The following RIN2 variants were observed in gnomAD, a reference collection of about 807,000 sequenced individuals.
RIN2 encodes the protein RAB5 interacting protein 2.
A neutral mutation model predicts 78.0 loss-of-function variants in RIN2; 36 were observed. The ratio of observed to expected loss-of-function variants is 0.46; its 90% confidence interval spans 0.35 to 0.61. The LOEUF (loss-of-function observed/expected upper bound fraction) is 0.61. Among genes scored for constraint, RIN2 ranks in the 20% least tolerant of loss-of-function variants. The probability of loss-of-function intolerance (pLI) is 0.00; values close to 1 mark genes in which losing one functional copy is unlikely to be tolerated. For missense variants in RIN2, 1,087 were observed against 1,159.7 expected, an observed-to-expected ratio of 0.94 and a Z score of 0.91; for synonymous variants, 466 against 466.8, an observed-to-expected ratio of 1.00 and a Z score of 0.02.
At chr20:19,945,717 C>T (rs770202606) in intron 4 of RIN2, among the ~76,000 whole-genome samples, 4 of 151,944 alleles carry the variant, frequency 2.6e-5, no homozygotes, top group Non-Finnish European at 5.9e-5. Context: ...GCAGGAACAT[C>T]ATTGACTTTT....
chr20:19,819,896 G>A lies in RIN2; in HGVS notation c.-37+20149G>A, dbSNP rs6106137. Reference sequence around the variant, plus strand: ...CTATGAGTGATAAGTGATCAGAGACGACATCTAATCCAAACTTTCAATTTG... The same window carrying A: ...CTATGAGTGATAAGTGATCAGAGACAACATCTAATCCAAACTTTCAATTTG... On this transcript the variant is annotated intron_variant, in intron 2 of 12. Transcript: ENST00000255006. Among the ~76,000 whole-genome samples the A allele has an allele frequency of 6.9e-3, 1,053 of 152,208 alleles. 14 individuals carry two copies. The highest frequency in any genetic ancestry group is 0.024 in the African/African-American group (997 of 41,532).
chr20:19,884,576 A>T (rs895142582), intron 2 of RIN2, among the ~76,000 whole-genome samples: 3 of 152,116 alleles, frequency 2.0e-5, no homozygotes, highest in Non-Finnish European at 4.4e-5. Flanking sequence ...ATTTTTTTTT[A>T]AAATGACTGT....
intron 6 of RIN2, among the ~76,000 whole-genome samples, chr20:19,963,795 A>G (rs896898286): frequency 1.5e-4 from 23 of 150,900 alleles, no homozygotes; most frequent in African/African-American, 5.1e-4. Flanking sequence ...AAGTCAGACT[A>G]CTTGCTGCTC....
chr20:19,972,054 T>C (rs975767007), intron 8 of RIN2, among the ~76,000 whole-genome samples: 3 of 152,052 alleles, frequency 2.0e-5, no homozygotes, highest in Non-Finnish European at 4.4e-5. Flanking sequence ...GAAACTTAGA[T>C]TGTATCTGTA....
rs367890363 is a variant in RIN2 at position 19,903,977 on chromosome 20, G to A, written c.57+14319G>A. Among the ~76,000 whole-genome samples the A allele has an allele frequency of 1.8e-4, 28 of 152,156 alleles. No homozygotes were observed. In the East Asian group the frequency reaches 4.3e-3, roughly 23 times the overall value. ...AATAAATATGCTGGATGGGCCGGGC[G>A]CCATGGCTCATGCCTGTAATCCCAG... On this transcript the variant is annotated intron_variant, in intron 3 of 12. Coordinates refer to ENST00000255006, the MANE Select transcript of RIN2 (RefSeq NM_018993.4).
At chr20:19,944,678 C>T (rs1301900193) in intron 4 of RIN2, among the ~76,000 whole-genome samples, 1 of 151,050 alleles carries the variant, frequency 6.6e-6, no homozygotes, top group Non-Finnish European at 1.5e-5. Context: ...ACAAAAATAT[C>T]AAGAGAAGTG....
At position 19,886,609 on chromosome 20, in the gene RIN2, C is replaced by T. The variant is rs868817482; in HGVS notation, c.-36-2957C>T. The T allele has an allele frequency of 2.9e-4, 222 of 776,390 alleles. No individual in the cohort carries two copies. The African/African-American group carries it at 4.9e-3, about 17-fold the overall frequency. The allele number at this position is 776,390 out of a possible 1,614,324, so 48.1% of individuals were successfully genotyped here. On this transcript the variant is annotated intron_variant, in intron 2 of 12. Transcript: ENST00000255006. The stretch of plus-strand genomic sequence containing the variant: ...TGAGGGCTGCCTTCTTCTTCTTCTT[C>T]TTCTTTTTTTTTTTTTTTTTTTGCT...
intron 2 of RIN2, among the ~76,000 whole-genome samples, chr20:19,803,993 C>T (rs551621668): frequency 3.9e-5 from 6 of 152,142 alleles, no homozygotes; most frequent in Non-Finnish European, 4.4e-5. Context: ...ATTTGGCTCT[C>T]TGCTTGTCTA....
intron 2 of RIN2, among the ~76,000 whole-genome samples, chr20:19,870,467 T>C (rs2037657013): frequency 1.3e-5 from 2 of 152,038 alleles, no homozygotes; most frequent in African/African-American, 2.4e-5. Flanking sequence ...GCCAACATGG[T>C]GAAACCCCAT....
intron 1 of RIN2, among the ~76,000 whole-genome samples, chr20:19,768,756 G>A (rs2033995041): frequency 6.6e-6 from 1 of 152,136 alleles, no homozygotes; most frequent in Non-Finnish European, 1.5e-5. Context: ...TGGCCCCTCA[G>A]AGGTTATGCT....
chr20:19,996,888 CG>C, intron 12 of RIN2, 46 bp downstream of exon 12: 2 of 1,515,168 alleles, frequency 1.3e-6, no homozygotes, highest in South Asian at 2.5e-5. Flanking sequence ...TCCAGGAATG[CG>C]GAGCTGGCTC....
Position 19,935,242 on chromosome 20 carries a change from C to T in RIN2, c.158+43C>T, listed in dbSNP as rs367605864. 2,419 of 1,508,840 alleles carry T rather than the reference C, an allele frequency of 1.6e-3. 10 individuals are homozygous for T. The highest frequency in any genetic ancestry group is 1.8e-3 in the Non-Finnish European group (2,010 of 1,108,398). The allele number at this position is 1,508,840 out of a possible 1,614,324, so 93.5% of individuals were successfully genotyped here. A position where few individuals can be genotyped will look rare whatever the true frequency, so the allele number is the denominator to read the frequency against. On this transcript the variant is annotated intron_variant, in intron 4 of 12. Transcript: ENST00000255006. The stretch of plus-strand genomic sequence containing the variant: ...TAGGTGATGGGTGCGAGAAAGGGAT[C>T]GAGTGAACCCTGGCACTGCCAAGGG...
chr20:19,858,231 A>G (rs1158434702), intron 2 of RIN2, among the ~76,000 whole-genome samples: 7 of 152,114 alleles, frequency 4.6e-5, no homozygotes, highest in South Asian at 2.1e-4. Context: ...TGCCAGTTTA[A>G]TTGCCTGCCC....
intron 11 of RIN2, among the ~76,000 whole-genome samples, chr20:19,993,954 C>T (rs1315320897): frequency 6.6e-6 from 1 of 152,222 alleles, no homozygotes; most frequent in African/African-American, 2.4e-5. Context: ...GATTCTGTTG[C>T]TGACAATGTG....
intron 1 of RIN2, among the ~76,000 whole-genome samples, chr20:19,793,295 A>G (rs944693308): frequency 2.6e-5 from 4 of 152,224 alleles, no homozygotes; most frequent in Non-Finnish European, 4.4e-5. Context: ...AACCTGGAGC[A>G]TATTTTCTAC....
intron 2 of RIN2, among the ~76,000 whole-genome samples, chr20:19,845,094 T>C: frequency 6.6e-6 from 1 of 152,224 alleles, no homozygotes; most frequent in East Asian, 1.9e-4. Flanking sequence ...TAGTATTCCA[T>C]GGCATATATG....
chr20:19,804,918 C>G (rs780594080), intron 2 of RIN2, among the ~76,000 whole-genome samples: 7 of 152,016 alleles, frequency 4.6e-5, no homozygotes, highest in Non-Finnish European at 1.0e-4. Flanking sequence ...AATTTCAGAA[C>G]TTGTTATTGG....
chr20:19,903,109 TAAAAA>T (rs2039059194), intron 3 of RIN2, among the ~76,000 whole-genome samples: 1 of 152,032 alleles, frequency 6.6e-6, no homozygotes, highest in Non-Finnish European at 1.5e-5. Flanking sequence ...ATAAAATAAA[TAAAAA>T]TAAAATAAAA....
rs1302457431 is a variant in RIN2, at chr20:19,956,676, G to T, written c.220G>T (p.Asp74Tyr). 4.3e-6 allele frequency: 7 copies of T among 1,613,192 alleles called. No homozygotes were observed. The highest frequency in any genetic ancestry group is 5.9e-6 in the Non-Finnish European group (7 of 1,179,640). Reference sequence around the variant, plus strand: ...AGAGGACGTGAAGACCTGTGCCCGGGACTCAGGCTATGACAGCCTCTCCAA... The same window carrying T: ...AGAGGACGTGAAGACCTGTGCCCGGTACTCAGGCTATGACAGCCTCTCCAA... ...EEEDVKTCAR[D>Y]SGYDSLSNRL... Residue 74 changes from aspartate to tyrosine, a missense_variant, in exon 5 of 13, where the codon GAC (aspartate) becomes TAC (tyrosine). By Grantham distance (160) the Asp-to-Tyr change is radical. Transcript: ENST00000255006.
Sources: allele counts gnomAD v4.1 joint callset (sites outside exome capture counted in the v4.1 genomes callset), GRCh38; gene constraint gnomAD v4.1.1; transcripts MANE v1.5; gene names NCBI Gene and HGNC (gene_info 2026-07-23, HGNC 2026-07-21).